Variants in LHCGR observed in about 807,000 individuals in gnomAD.
LHCGR encodes the protein lutropin-choriogonadotropic hormone receptor.
A neutral mutation model predicts 60.7 loss-of-function variants in LHCGR; 55 were observed. That is an observed-to-expected ratio of 0.91 (90% CI 0.73 to 1.13). The LOEUF is 1.13. LHCGR is among the 50% of genes most tolerant of loss of function. The probability of loss-of-function intolerance (pLI) is 0.00; values close to 1 mark genes in which losing one functional copy is unlikely to be tolerated. For missense variants in LHCGR, 862 were observed against 836.0 expected (o/e 1.03, Z -0.38); for synonymous variants, 337 against 316.5 (o/e 1.06, Z -0.69).
chr2:48,723,775 G>C, intron 4 of LHCGR, 79 bp from the exon 5 acceptor site: 2 of 1,052,004 alleles, frequency 1.9e-6, no homozygotes, highest in Non-Finnish European at 3.0e-6. Context: ...GATAAAAAGA[G>C]AGTACAAAGG....
chr2:48,696,085 CA>C (rs1365582459), intron 9 of LHCGR, among the ~76,000 whole-genome samples: 7 of 152,060 alleles, frequency 4.6e-5, no homozygotes, highest in Admixed American at 4.6e-4. Context: ...TTCATAATTA[CA>C]AATGCCCCTG....
At chr2:48,695,443 A>C (rs1057261370) in intron 9 of LHCGR, among the ~76,000 whole-genome samples, 3 of 152,184 alleles carry the variant, frequency 2.0e-5, no homozygotes, top group Non-Finnish European at 4.4e-5. Flanking sequence ...GAATTCTCAT[A>C]CACTGTTGGT....
In LHCGR at chr2:48,755,647, G is replaced by C; in HGVS notation, c.25C>G (p.Gln9Glu). Reference sequence around the variant, plus strand: ...AGCAGCAGCAGCAGCTTCAGCAGCTGCAGCGCCGAGAACCGCTGCTTCATG... The same window carrying C: ...AGCAGCAGCAGCAGCTTCAGCAGCTCCAGCGCCGAGAACCGCTGCTTCATG... MKQRFSALQLLKLLLLLQP... is the reference protein window; with the variant it reads MKQRFSALELLKLLLLLQP... The change falls in exon 1 of 11, where the codon CAG becomes GAG. Residue 9 changes from glutamine (Q) to glutamate (E), a missense_variant. By Grantham distance (29) the Gln-to-Glu change is conservative. Transcript: ENST00000294954. The C allele has an allele frequency of 1.3e-6, 2 of 1,535,672 alleles. No individual in the cohort carries two copies. The highest frequency in any genetic ancestry group is 1.7e-6 in the Non-Finnish European group (2 of 1,146,320).
intron 7 of LHCGR, among the ~76,000 whole-genome samples, chr2:48,712,069 C>G (rs1032396430): frequency 6.6e-6 from 1 of 151,834 alleles, no homozygotes; most frequent in Admixed American, 6.6e-5. Flanking sequence ...TCTGGCTGTC[C>G]TCTGCTTGGA....
intron 1 of LHCGR, among the ~76,000 whole-genome samples, chr2:48,731,794 G>A (rs1445214776): frequency 6.6e-6 from 1 of 152,192 alleles, no homozygotes; most frequent in African/African-American, 2.4e-5. Flanking sequence ...GTAGAGTGGA[G>A]ACATTAATGA....
At chr2:48,750,359 C>T (rs1017305154) in intron 1 of LHCGR, among the ~76,000 whole-genome samples, 4 of 152,082 alleles carry the variant, frequency 2.6e-5, no homozygotes, top group African/African-American at 9.7e-5. Context: ...TTCTTCCCTA[C>T]TGAGTCTAAA....
chr2:48,687,791 C>T lies in LHCGR; in HGVS notation c.2006G>A (p.Gly669Glu). The T allele has an allele frequency of 6.2e-7, 1 of 1,614,098 alleles. No homozygotes were observed. The highest frequency in any genetic ancestry group is 8.5e-7 in the Non-Finnish European group (1 of 1,179,978). Residue 669 changes from glycine (G) to glutamate (E), a missense_variant, in exon 11 of 11, where the codon GGA becomes GAA. Coordinates refer to ENST00000294954, the MANE Select transcript of LHCGR (RefSeq NM_000233.4). Reference sequence around the variant, plus strand: ...GGTGGATTGAGAAGGCTTATTTGATCCAGTGAAGCCATTTTTGCAGTTGGA... The same window carrying T: ...GGTGGATTGAGAAGGCTTATTTGATTCAGTGAAGCCATTTTTGCAGTTGGA... Reference protein sequence around the residue: ...YTSNCKNGFTGSNKPSQSTLK... With the variant: ...YTSNCKNGFTESNKPSQSTLK...
intron 6 of LHCGR, among the ~76,000 whole-genome samples, chr2:48,718,888 C>T (rs545121638): frequency 1.2e-3 from 180 of 152,312 alleles, no homozygotes; most frequent in Non-Finnish European, 2.2e-3. Context: ...ATCCCTCTCC[C>T]TGTATTGCTG....
intron 8 of LHCGR, among the ~76,000 whole-genome samples, chr2:48,703,065 G>A (rs1230066186): frequency 6.6e-6 from 1 of 152,174 alleles, no homozygotes; most frequent in Non-Finnish European, 1.5e-5. Flanking sequence ...CTGAACAAAT[G>A]TCTTCTTTTG....
intron 6 of LHCGR, among the ~76,000 whole-genome samples, chr2:48,719,419 C>G (rs973402940): frequency 1.3e-5 from 2 of 152,156 alleles, no homozygotes; most frequent in Non-Finnish European, 2.9e-5. Flanking sequence ...CCAGACATCA[C>G]TTCTCTGTAG....
At chr2:48,747,263 G>T (rs1277412573) in intron 1 of LHCGR, among the ~76,000 whole-genome samples, 1 of 151,464 alleles carries the variant, frequency 6.6e-6, no homozygotes, top group Non-Finnish European at 1.5e-5. Flanking sequence ...TAATTTTTTG[G>T]TATTTTTTAG....
chr2:48,738,272 G>C (rs552675148), intron 1 of LHCGR, among the ~76,000 whole-genome samples: 1 of 152,030 alleles, frequency 6.6e-6, no homozygotes, highest in Admixed American at 6.5e-5. Flanking sequence ...CAGATGCCAT[G>C]CGTGAACATT....
intron 1 of LHCGR, among the ~76,000 whole-genome samples, chr2:48,742,527 G>C (rs962829274): frequency 1.9e-3 from 294 of 151,916 alleles, no homozygotes; most frequent in African/African-American, 4.7e-3. Context: ...TAGAACTCAG[G>C]ATTAAGAATC....
intron 10 of LHCGR, among the ~76,000 whole-genome samples, chr2:48,693,791 C>G (rs757386962): frequency 6.6e-6 from 1 of 152,142 alleles, no homozygotes; most frequent in Non-Finnish European, 1.5e-5. Flanking sequence ...AGCTCAGGAG[C>G]ATAGTTGTCG....
intron 1 of LHCGR, among the ~76,000 whole-genome samples, chr2:48,740,710 A>C (rs1388151317): frequency 6.6e-6 from 1 of 152,150 alleles, no homozygotes; most frequent in Non-Finnish European, 1.5e-5. Flanking sequence ...ATCATCAAAG[A>C]CCAAAAGTAG....
chr2:48,688,575 T>C lies in LHCGR; in HGVS notation c.1222A>G (p.Met408Val), dbSNP rs767740541. Residue 408 changes from methionine (M) to valine (V), a missense_variant, in exon 11 of 11, where the codon ATG (methionine) becomes GTG (valine). Coordinates refer to ENST00000294954, the MANE Select transcript of LHCGR (RefSeq NM_000233.4). The surrounding 1 kb of genome is among the most constrained non-coding windows in gnomAD (Gnocchi z 5.2). ...MCNLSFADFCMGLYLLLIASV... is the reference protein window; with the variant it reads ...MCNLSFADFCVGLYLLLIASV... ...GCTATGAGCAGCAGATAGAGCCCCA[T>C]GCAAAAGTCTGCAAAGGAGAGATTG... 28 of 1,614,162 alleles carry C rather than the reference T, an allele frequency of 1.7e-5. No homozygotes were observed. The highest frequency in any genetic ancestry group is 2.4e-5 in the Non-Finnish European group (28 of 1,180,040).
chr2:48,723,662 C>G lies in LHCGR; in HGVS notation c.418G>C (p.Asp140His). ...ICNTGIRKFP[D>H]VTKVFSSESN... Reference sequence around the variant, plus strand: ...TCAGAGGAGAAGACCTTCGTAACATCTGGAAACTTTCTGATGCCTGTGTTA... The same window carrying G: ...TCAGAGGAGAAGACCTTCGTAACATGTGGAAACTTTCTGATGCCTGTGTTA... The change falls in exon 5 of 11, where the codon GAT becomes CAT. Residue 140 changes from aspartate to histidine, a missense_variant. Asp to His is a moderately conservative substitution (Grantham distance 81). Transcript: ENST00000294954. The G allele has an allele frequency of 1.2e-6, 2 of 1,613,960 alleles. No individual in the cohort carries two copies. The highest frequency in any genetic ancestry group is 1.7e-6 in the Non-Finnish European group (2 of 1,179,878).
intron 1 of LHCGR, among the ~76,000 whole-genome samples, chr2:48,735,780 A>G (rs532998662): frequency 6.6e-6 from 1 of 152,112 alleles, no homozygotes; most frequent in Non-Finnish European, 1.5e-5. Flanking sequence ...TGAAGCTCTC[A>G]GCTGAGTTGC....
intron 9 of LHCGR, 69 bp downstream of exon 9, chr2:48,698,546 C>G: frequency 7.8e-7 from 1 of 1,287,432 alleles, no homozygotes; most frequent in South Asian, 1.2e-5. Context: ...GCTGTCTACT[C>G]ATTGACTATT....
Sources: allele counts gnomAD v4.1 joint callset (sites outside exome capture counted in the v4.1 genomes callset), GRCh38; gene constraint gnomAD v4.1.1; non-coding constraint Gnocchi (gnomAD v3.1); transcripts MANE v1.5; gene names NCBI Gene and HGNC (gene_info 2026-07-23, HGNC 2026-07-21).